The following ANGPT1 variants were observed in gnomAD, a reference collection of about 807,000 sequenced individuals.
ANGPT1 encodes the protein angiopoietin 1.
A neutral mutation model predicts 62.2 loss-of-function variants in ANGPT1; 17 were observed. That is an observed-to-expected ratio of 0.27 (90% CI 0.19 to 0.41). ANGPT1 has a LOEUF of 0.41. Among genes scored for constraint, ANGPT1 ranks in the 10% least tolerant of loss-of-function variants. The probability of loss-of-function intolerance (pLI) is 1.00; values close to 1 mark genes in which losing one functional copy is unlikely to be tolerated. For missense variants in ANGPT1, 478 were observed against 594.9 expected, an observed-to-expected ratio of 0.80 and a Z score of 2.04; for synonymous variants, 199 against 198.9, an observed-to-expected ratio of 1.00 and a Z score of 0.00.
intron 1 of ANGPT1, among the ~76,000 whole-genome samples, chr8:107,451,091 C>T (rs937809322): frequency 5.3e-5 from 8 of 151,698 alleles, no homozygotes; most frequent in East Asian, 1.9e-4. Flanking sequence ...CCTTTAATCA[C>T]GGCCAGAGAA....
At chr8:107,283,359 T>C (rs1814062056) in intron 7 of ANGPT1, among the ~76,000 whole-genome samples, 1 of 152,104 alleles carries the variant, frequency 6.6e-6, no homozygotes, top group Non-Finnish European at 1.5e-5. Flanking sequence ...ACCCCCACCA[T>C]GAGACTATCA....
chr8:107,429,973 A>G (rs950318523), intron 1 of ANGPT1, among the ~76,000 whole-genome samples: 1 of 133,922 alleles, frequency 7.5e-6, no homozygotes, highest in African/African-American at 2.5e-5. Flanking sequence ...AAAAAAATCC[A>G]TTTGTCATGT....
At chr8:107,492,261 A>G (rs531638551) in intron 1 of ANGPT1, among the ~76,000 whole-genome samples, 1 of 152,172 alleles carries the variant, frequency 6.6e-6, no homozygotes, top group Non-Finnish European at 1.5e-5. Flanking sequence ...ACTTTTCCCA[A>G]TCTCTAGGCA....
intron 4 of ANGPT1, among the ~76,000 whole-genome samples, chr8:107,309,813 C>T (rs1374265805): frequency 6.6e-6 from 1 of 151,948 alleles, no homozygotes; most frequent in East Asian, 1.9e-4. Context: ...ACAAAAATGG[C>T]AATTGAATAT....
intron 3 of ANGPT1, among the ~76,000 whole-genome samples, chr8:107,327,880 A>G (rs924526297): frequency 2.0e-5 from 3 of 152,108 alleles, no homozygotes; most frequent in Admixed American, 6.6e-5. Context: ...AGCAAGTCCT[A>G]TTTGAAGTTT....
chr8:107,494,602 T>C (rs915187878), intron 1 of ANGPT1: 30 of 152,238 alleles, frequency 2.0e-4, no homozygotes. Context: ...AGTTGATTTC[T>C]TTGAATTAAA....
chr8:107,384,029 A>G (rs1816687932), intron 1 of ANGPT1, among the ~76,000 whole-genome samples: 1 of 152,318 alleles, frequency 6.6e-6, no homozygotes, highest in East Asian at 1.9e-4. Context: ...ATGTGGTAAC[A>G]TAATTAAGGG....
At chr8:107,383,615 T>TA (rs1196645735) in intron 1 of ANGPT1, among the ~76,000 whole-genome samples, 3 of 152,158 alleles carry the variant, frequency 2.0e-5, no homozygotes, top group Non-Finnish European at 4.4e-5. Context: ...AACACCTTTT[T>TA]AAAAACCCAT....
At chr8:107,334,817 T>C (rs186647734) in intron 3 of ANGPT1, among the ~76,000 whole-genome samples, 167 of 152,298 alleles carry the variant, frequency 1.1e-3, no homozygotes, top group African/African-American at 3.8e-3. Flanking sequence ...ATAAATGGTA[T>C]ATTTCAACAG....
intron 8 of ANGPT1, among the ~76,000 whole-genome samples, chr8:107,254,635 C>T (rs1813317287): frequency 6.6e-6 from 1 of 152,004 alleles, no homozygotes; most frequent in Non-Finnish European, 1.5e-5. Flanking sequence ...GGAAAAGACC[C>T]TGCTAAGCAG....
intron 7 of ANGPT1, among the ~76,000 whole-genome samples, chr8:107,282,282 G>T (rs1586184947): frequency 1.3e-5 from 2 of 151,598 alleles, no homozygotes; most frequent in Non-Finnish European, 2.9e-5. Flanking sequence ...TTAGGTCCCT[G>T]CAGGAAAGAG....
chr8:107,370,928 T>G (rs926903226), intron 1 of ANGPT1, among the ~76,000 whole-genome samples: 1 of 150,662 alleles, frequency 6.6e-6, no homozygotes, highest in African/African-American at 2.4e-5. Flanking sequence ...ATGGTGTCAA[T>G]AGACTTGCTC....
intron 4 of ANGPT1, among the ~76,000 whole-genome samples, chr8:107,310,780 A>G (rs1359247213): frequency 6.6e-6 from 1 of 152,168 alleles, no homozygotes; most frequent in African/African-American, 2.4e-5. Context: ...ACACTGACTC[A>G]GGATTTACCC....
Position 107,497,601 on chromosome 8 carries a change from C to G in ANGPT1, c.-43G>C. 1 of 1,575,636 alleles carries G rather than the reference C, an allele frequency of 6.3e-7. No individual in the cohort carries two copies. The highest frequency in any genetic ancestry group is 8.6e-7 in the Non-Finnish European group (1 of 1,157,762). ...CCTTCCGTGCCTCTCGCAAAACTTGCTCCTTTCTTCTGACCTCTAAAACTA... is the reference window on the plus strand; with the variant it reads ...CCTTCCGTGCCTCTCGCAAAACTTGGTCCTTTCTTCTGACCTCTAAAACTA... On this transcript the variant is annotated 5_prime_UTR_variant, in exon 1 of 9. Coordinates refer to ENST00000517746, the MANE Select transcript of ANGPT1 (RefSeq NM_001146.5).
chr8:107,266,575 G>A (rs1403319467), intron 7 of ANGPT1, among the ~76,000 whole-genome samples: 1 of 152,180 alleles, frequency 6.6e-6, no homozygotes, highest in African/African-American at 2.4e-5. Flanking sequence ...ACTGGGCCTG[G>A]GAGAGTTTAG....
chr8:107,283,643 G>A (rs1814069014), intron 7 of ANGPT1, among the ~76,000 whole-genome samples: 1 of 152,116 alleles, frequency 6.6e-6, no homozygotes, highest in Non-Finnish European at 1.5e-5. Flanking sequence ...TGCTATTGTT[G>A]CAATTACTTG....
At chr8:107,424,967 C>T (rs1019379881) in intron 1 of ANGPT1, among the ~76,000 whole-genome samples, 9 of 152,128 alleles carry the variant, frequency 5.9e-5, no homozygotes, top group East Asian at 1.9e-4. Flanking sequence ...CTTCGCCTCC[C>T]GGGTTCAAGT....
At chr8:107,415,185 T>G (rs919631329) in intron 1 of ANGPT1, among the ~76,000 whole-genome samples, 1 of 152,158 alleles carries the variant, frequency 6.6e-6, no homozygotes, top group Non-Finnish European at 1.5e-5. Flanking sequence ...GTCACCATGA[T>G]TATATGGTAA....
Position 107,377,932 on chromosome 8 carries a change from A to AAAT in ANGPT1, c.298-30836_298-30835insATT, listed in dbSNP as rs5893853. 4.5e-3 allele frequency among the ~76,000 whole-genome samples: 687 copies of AAAT among 151,962 alleles called. 5 individuals carry two copies. The highest frequency in any genetic ancestry group is 0.015 in the African/African-American group (642 of 41,428). On this transcript the variant is annotated intron_variant, in intron 1 of 8. Coordinates refer to ENST00000517746, the MANE Select transcript of ANGPT1 (RefSeq NM_001146.5). ...ACTTCAATATTGTCATGAAAAAAAAACATATCAGTTGTCAAAATTGACTCC... is the reference window on the plus strand; with the variant it reads ...ACTTCAATATTGTCATGAAAAAAAAAAATCATATCAGTTGTCAAAATTGACTCC...
Sources: gnomAD v4.1 joint callset for allele counts (sites outside exome capture counted in the v4.1 genomes callset) on GRCh38, gnomAD v4.1.1 for gene constraint, MANE v1.5 for transcripts, NCBI Gene and HGNC (gene_info 2026-07-23, HGNC 2026-07-21) for gene names.